Variants in PTPRN2 observed in about 807,000 individuals in gnomAD.
The protein encoded by PTPRN2 is receptor-type tyrosine-protein phosphatase N2.
A neutral mutation model predicts 118.8 loss-of-function variants in PTPRN2; 74 were observed. That is an observed-to-expected ratio of 0.62 (90% CI 0.52 to 0.76). The LOEUF is 0.76. Ranked by LOEUF, PTPRN2 falls within the 30% of genes least tolerant of loss-of-function variation. PTPRN2 has a pLI of 0.00. For synonymous variants in PTPRN2, 641 were observed against 608.0 expected (o/e 1.05, Z -0.80); for missense variants, 1,481 against 1,394.4 (o/e 1.06, Z -0.99).
intron 11 of PTPRN2, among the ~76,000 whole-genome samples, chr7:158,070,731 G>T (rs1353172700): frequency 8.1e-6 from 1 of 123,880 alleles, no homozygotes. Context: ...GTGTGGAGGT[G>T]CCCGTGGTGG....
At chr7:157,741,952 G>A (rs1020243413) in intron 12 of PTPRN2, among the ~76,000 whole-genome samples, 4 of 152,216 alleles carry the variant, frequency 2.6e-5, no homozygotes, top group Non-Finnish European at 5.9e-5. Flanking sequence ...TGTCAACGAC[G>A]AACCAATAAA....
chr7:158,085,185 C>T (rs567655155), intron 10 of PTPRN2, among the ~76,000 whole-genome samples: 5 of 134,958 alleles, frequency 3.7e-5, no homozygotes, highest in African/African-American at 5.8e-5. Flanking sequence ...TCCACACCCA[C>T]GACGCCCATC....
rs1231940577 is a variant in PTPRN2, at chr7:158,525,679, A to G, written c.113-35894T>C. Among the ~76,000 whole-genome samples, 1 of 152,196 alleles carries G rather than the reference A, an allele frequency of 6.6e-6. No homozygotes were observed. Among genetic ancestry groups the G allele is most frequent in the African/African-American group, 2.4e-5 (1 of 41,444 alleles). On this transcript the variant is annotated intron_variant, in intron 1 of 22. Coordinates refer to ENST00000389418, the MANE Select transcript of PTPRN2 (RefSeq NM_002847.5). This position sits in a 1 kb window ranked among gnomAD's most constrained non-coding sequence, Gnocchi z 4.1. ...ATTTTTAAAGATCCTTTCATGCACA[A>G]TGAGTATTTATCTAATGTGCCCTCC...
At chr7:158,519,401 G>T (rs1169740895) in intron 1 of PTPRN2, among the ~76,000 whole-genome samples, 2 of 152,102 alleles carry the variant, frequency 1.3e-5, no homozygotes, top group Non-Finnish European at 2.9e-5. Flanking sequence ...TAAGTAAAGA[G>T]GTGCTAGGGC....
chr7:158,274,571 C>T (rs981077432), intron 3 of PTPRN2, among the ~76,000 whole-genome samples: 2 of 150,624 alleles, frequency 1.3e-5, no homozygotes, highest in Non-Finnish European at 1.5e-5. Flanking sequence ...CGGGATCTAG[C>T]GTGTGTGGAC....
intron 2 of PTPRN2, among the ~76,000 whole-genome samples, chr7:158,384,543 A>G (rs111647331): frequency 3.3e-5 from 5 of 152,308 alleles, no homozygotes; most frequent in African/African-American, 1.2e-4. Flanking sequence ...ACACTTAGGA[A>G]GAAGGCGCTT....
At chr7:158,260,184 G>T (rs536881016) in intron 3 of PTPRN2, among the ~76,000 whole-genome samples, 1 of 152,322 alleles carries the variant, frequency 6.6e-6, no homozygotes, top group African/African-American at 2.4e-5. Flanking sequence ...AAGCACATCA[G>T]TACAGTCACC....
chr7:158,136,035 C>T (rs766207316), intron 8 of PTPRN2, among the ~76,000 whole-genome samples: 5 of 152,170 alleles, frequency 3.3e-5, no homozygotes, highest in Admixed American at 6.5e-5. Flanking sequence ...ACATCGCCTG[C>T]GACTGGGCCC....
At chr7:158,505,466 G>A (rs545563928) in intron 1 of PTPRN2, among the ~76,000 whole-genome samples, 1 of 152,338 alleles carries the variant, frequency 6.6e-6, no homozygotes, top group East Asian at 1.9e-4. Flanking sequence ...TGGAACACCT[G>A]TGTGGTGTCC....
At chr7:158,197,282 C>T (rs1826280756) in intron 4 of PTPRN2, among the ~76,000 whole-genome samples, 1 of 152,192 alleles carries the variant, frequency 6.6e-6, no homozygotes, top group Non-Finnish European at 1.5e-5. Flanking sequence ...TCTATCCAAA[C>T]ATGACCATCT....
chr7:157,720,592 G>A (rs1799177887), intron 12 of PTPRN2, among the ~76,000 whole-genome samples: 1 of 152,238 alleles, frequency 6.6e-6, no homozygotes, highest in Non-Finnish European at 1.5e-5. Flanking sequence ...TGTGCACGCG[G>A]GGACCGAGGG....
chr7:157,747,330 C>T (rs1315101507), intron 12 of PTPRN2, among the ~76,000 whole-genome samples: 2 of 129,890 alleles, frequency 1.5e-5, no homozygotes, highest in Non-Finnish European at 3.2e-5. Context: ...CTGAGGCCTG[C>T]GTCCCTGAGC....
intron 11 of PTPRN2, among the ~76,000 whole-genome samples, chr7:157,942,177 TCGGCCCACCC>T: frequency 3.0e-5 from 1 of 33,448 alleles, no homozygotes; most frequent in East Asian, 1.9e-3. Context: ...ACAGGGGTCC[TCGGCCCACCC>T]TCCACACACA....
At position 158,252,249 on chromosome 7, in the gene PTPRN2, G is replaced by A. The variant is rs112337758; in HGVS notation, c.278-46976C>T. 3.5e-3 allele frequency among the ~76,000 whole-genome samples: 537 copies of A among 152,254 alleles called. 4 individuals carry two copies. Among genetic ancestry groups the A allele is most frequent in the African/African-American group, 0.012 (503 of 41,556 alleles). The stretch of plus-strand genomic sequence containing the variant: ...GCCTCGTCCCCATCACCTCTGCGGC[G>A]AGAATCAGAGCAGTCGCAGAAGCTC... On this transcript the variant is annotated intron_variant, in intron 3 of 22. Transcript: ENST00000389418.
chr7:158,071,387 G>GAT (rs1563390920), intron 11 of PTPRN2, among the ~76,000 whole-genome samples: 3 of 106,530 alleles, frequency 2.8e-5, no homozygotes, highest in African/African-American at 1.1e-4. Context: ...AGGTGCTCGT[G>GAT]GTGGAGGTGC....
intron 11 of PTPRN2, among the ~76,000 whole-genome samples, chr7:157,937,879 C>G (rs1444128369): frequency 6.6e-6 from 1 of 152,226 alleles, no homozygotes; most frequent in East Asian, 1.9e-4. Context: ...TTCAGTAGCA[C>G]CATTTGCAAC....
chr7:158,233,128 T>G (rs1403326128), intron 3 of PTPRN2, among the ~76,000 whole-genome samples: 4 of 152,114 alleles, frequency 2.6e-5, no homozygotes, highest in Non-Finnish European at 4.4e-5. Context: ...AAGGAAAAAG[T>G]CAAATTAGCC....
chr7:158,083,162 C>T lies in PTPRN2; in HGVS notation c.1644-1785G>A, dbSNP rs530907820. Among the ~76,000 whole-genome samples, 10 of 152,270 alleles carry T rather than the reference C, an allele frequency of 6.6e-5. No homozygotes were observed. The South Asian group carries it at 1.5e-3, about 22-fold the overall frequency. ...TTTAGTGCTCAAATGGCACACCAGA[C>T]GTTTTATAGATGTTTTCCTTCTTCC... On this transcript the variant is annotated intron_variant, in intron 10 of 22. Transcript: ENST00000389418.
chr7:157,829,111 C>T (rs1373738707), intron 12 of PTPRN2, among the ~76,000 whole-genome samples: 2 of 152,244 alleles, frequency 1.3e-5, no homozygotes, highest in East Asian at 1.9e-4. Flanking sequence ...GCTCGTGAGC[C>T]GTGAGCTTTG....
Sources: gnomAD v4.1 joint callset for allele counts (sites outside exome capture counted in the v4.1 genomes callset) on GRCh38, gnomAD v4.1.1 for gene constraint, Gnocchi (gnomAD v3.1) non-coding constraint, MANE v1.5 for transcripts, NCBI Gene and HGNC (gene_info 2026-07-23, HGNC 2026-07-21) for gene names.